Variants in ICAM3 observed in about 807,000 individuals in gnomAD.
ICAM3 encodes ICAM-3.
Under a neutral mutation model 43.6 loss-of-function variants are expected in ICAM3, and 54 were observed. The ratio of observed to expected loss-of-function variants is 1.24; its 90% CI spans 0.99 to 1.55. ICAM3 has a LOEUF of 1.55. ICAM3 is among the 40% of genes most tolerant of loss of function. The pLI is 0.00. For synonymous variants in ICAM3, 306 were observed against 312.6 expected, an observed-to-expected ratio of 0.98 and a Z score of 0.22; for missense variants, 715 against 717.9, an observed-to-expected ratio of 1.00 and a Z score of 0.05.
chr19:10,337,142 C>T (rs1156935598), intron 2 of ICAM3, among the ~76,000 whole-genome samples: 1 of 151,636 alleles, frequency 6.6e-6, no homozygotes, highest in African/African-American at 2.4e-5. Flanking sequence ...GTAGGCCAGG[C>T]ATGGTGGCTC....
Position 10,334,814 on chromosome 19 carries a change from G to A in ICAM3, c.938-32C>T. 1.3e-6 allele frequency: 2 copies of A among 1,545,946 alleles called. No individual in the cohort carries two copies. The highest frequency in any genetic ancestry group is 2.5e-5 in the South Asian group (2 of 81,088). On this transcript the variant is annotated intron_variant, in intron 4 of 6. Coordinates refer to ENST00000160262, the MANE Select transcript of ICAM3 (RefSeq NM_002162.5). This position sits in a 1 kb window ranked among gnomAD's most constrained non-coding sequence, Gnocchi z 5.5. ...GCGGGGCATTGCCCAGGAGCTTAATGAACAGGACCTTCCTGTGGGTCAAGC... is the reference window on the plus strand; with the variant it reads ...GCGGGGCATTGCCCAGGAGCTTAATAAACAGGACCTTCCTGTGGGTCAAGC...
Position 10,338,792 on chromosome 19 carries a change from A to G in ICAM3, c.233T>C (p.Met78Thr), listed in dbSNP as rs762381855. ...GCTGAGATTGAAGGCTGCCCAGCCC[A>G]TGCCACTGGCCACCAGCTCCTTTGA... ...SLSKELVASG[M>T]GWAAFNLSNV... is the part of the protein sequence containing the mutation. Residue 78 changes from methionine to threonine, a missense_variant, in exon 2 of 7, where the codon ATG becomes ACG. Coordinates refer to ENST00000160262, the MANE Select transcript of ICAM3 (RefSeq NM_002162.5). 7 of 1,614,186 alleles carry G rather than the reference A, an allele frequency of 4.3e-6. No individual in the cohort carries two copies. The highest frequency in any genetic ancestry group is 5.1e-6 in the Non-Finnish European group (6 of 1,180,024).
At chr19:10,339,267 G>A (rs1036054345) in intron 1 of ICAM3, 10 of 578,084 alleles carry the variant, frequency 1.7e-5, no homozygotes, top group South Asian at 6.4e-5. Flanking sequence ...AAGCACATAC[G>A]CAAAGGGCAA....
rs2040585748 is a variant in ICAM3 at position 10,335,421 on chromosome 19, CCA to C, written c.650-70_650-69del. On this transcript the variant is annotated intron_variant, in intron 3 of 6. Transcript: ENST00000160262. The stretch of plus-strand genomic sequence containing the variant: ...CTTCCCCAGGACACCCTCATCCCCC[CCA>C]GTCAGGATATCTTGCTGACTGGGTC... The C allele has an allele frequency of 2.1e-5, 30 of 1,407,394 alleles. No individual in the cohort carries two copies. The East Asian group carries it at 7.5e-4, about 35-fold the overall frequency. The allele number at this position is 1,407,394 out of a possible 1,614,324, so 87.2% of individuals were successfully genotyped here.
At chr19:10,339,350 C>G (rs1321975208) in intron 1 of ICAM3, 189 bp downstream of exon 1, 5 of 598,408 alleles carry the variant, frequency 8.4e-6, no homozygotes, top group South Asian at 2.0e-5. Context: ...GGATGGCGTA[C>G]AAGCCTATGC....
rs907063340 is a variant in ICAM3 at position 10,335,885 on chromosome 19, C to T, written c.435G>A (p.Ser145=). 2.2e-5 allele frequency: 35 copies of T among 1,604,536 alleles called. No individual in the cohort carries two copies. The highest frequency in any genetic ancestry group is 3.0e-5 in the Non-Finnish European group (35 of 1,178,178). ...GCACCACCGTGAGGCTGGTCCGGGG[C>T]GACCCATCCTCCACTTGGCAGCGCA... The part of the protein sequence containing the change: ...FTLRCQVEDG[S]PRTSLTVVLL... The change falls in exon 3 of 7, where the codon TCG becomes TCA. Residue 145 remains serine (S), a synonymous_variant. Coordinates refer to ENST00000160262, the MANE Select transcript of ICAM3 (RefSeq NM_002162.5).
chr19:10,338,295 C>T (rs546230462), intron 2 of ICAM3, among the ~76,000 whole-genome samples: 2 of 149,986 alleles, frequency 1.3e-5, no homozygotes, highest in African/African-American at 4.9e-5. Context: ...CTCAGCCACT[C>T]GGGAGGCTGA....
rs1224454220 is a variant in ICAM3 at position 10,338,920 on chromosome 19, C to G, written c.105G>C (p.Arg35=). Residue 35 remains arginine, a synonymous_variant, in exon 2 of 7, where the codon CGG becomes CGC. Coordinates refer to ENST00000160262, the MANE Select transcript of ICAM3 (RefSeq NM_002162.5). The part of the protein sequence containing the change: ...PGVQGQEFLL[R]VEPQNPVLSA... ...AGAGCACAGGGTTCTGGGGCTCCAC[C>G]CGCAAAAGGAACTCCTGCCCCTGGA... is the stretch of plus-strand genomic sequence containing the variant. 6.2e-7 allele frequency: 1 copy of G among 1,613,908 alleles called. No homozygotes were observed. Among genetic ancestry groups the G allele is most frequent in the Non-Finnish European group, 8.5e-7 (1 of 1,180,014 alleles).
rs2040566617 is a variant in ICAM3 at position 10,334,698 on chromosome 19, C to T, written c.1022G>A (p.Arg341Gln). The change falls in exon 5 of 7, where the codon CGA becomes CAA. Residue 341 changes from arginine to glutamine, a missense_variant. Arg to Gln is a conservative substitution (Grantham distance 43). Coordinates refer to ENST00000160262, the MANE Select transcript of ICAM3 (RefSeq NM_002162.5). The surrounding 1 kb of genome is among the most constrained non-coding windows in gnomAD (Gnocchi z 5.5). ...TVTVSCMAGA[R>Q]VQVTLDGVPA... ...AACTCCGTCCAGCGTGACCTGGACT[C>T]GAGCCCCAGCCATGCAACTCACGGT... The T allele has an allele frequency of 6.2e-7, 1 of 1,613,166 alleles. No homozygotes were observed. The highest frequency in any genetic ancestry group is 2.2e-5 in the East Asian group (1 of 44,878).
Position 10,334,087 on chromosome 19 carries a change from T to A in ICAM3, c.1442-28A>T. 6.2e-7 allele frequency: 1 copy of A among 1,612,068 alleles called. No individual in the cohort carries two copies. The highest frequency in any genetic ancestry group is 2.2e-5 in the East Asian group (1 of 44,818). On this transcript the variant is annotated intron_variant, in intron 6 of 6. Transcript: ENST00000160262. This position sits in a 1 kb window ranked among gnomAD's most constrained non-coding sequence, Gnocchi z 5.5. Reference sequence around the variant, plus strand: ...GTGCAGAGAAAGCGCTAAGTCAATATGCGTCCCTTCTGTCTCCAACCCCCC... The same window carrying A: ...GTGCAGAGAAAGCGCTAAGTCAATAAGCGTCCCTTCTGTCTCCAACCCCCC...
At chr19:10,339,104 G>C in intron 1 of ICAM3, 156 bp from the exon 2 acceptor site, 1 of 766,682 alleles carries the variant, frequency 1.3e-6, no homozygotes, top group East Asian at 2.7e-5. Context: ...CAGAGACCGG[G>C]GAGAACTCAG....
chr19:10,335,319 G>C lies in ICAM3; in HGVS notation c.684C>G (p.Pro228=), dbSNP rs776445575. ...LPVTPPRLVA[P]RFLEVETSWP... The stretch of plus-strand genomic sequence containing the variant: ...ACGACGTTTCCACCTCCAAGAACCG[G>C]GGGGCCACGAGGCGCGGGGGGGTCA... Residue 228 remains proline (P), a synonymous_variant, in exon 4 of 7, where the codon CCC becomes CCG. Transcript: ENST00000160262. 6 of 1,611,682 alleles carry C rather than the reference G, an allele frequency of 3.7e-6. No individual in the cohort carries two copies. Among genetic ancestry groups the C allele is most frequent in the Non-Finnish European group, 5.1e-6 (6 of 1,179,784 alleles).
rs751524541 is a variant in ICAM3 at position 10,334,099 on chromosome 19, G to C, written c.1442-40C>G. ...CGCTAAGTCAATATGCGTCCCTTCT[G>C]TCTCCAACCCCCCCGCCCCCCGGCT... On this transcript the variant is annotated intron_variant, in intron 6 of 6. Transcript: ENST00000160262. The surrounding 1 kb of genome is among the most constrained non-coding windows in gnomAD (Gnocchi z 5.5). 1.9e-6 allele frequency: 3 copies of C among 1,610,254 alleles called. No homozygotes were observed. The highest frequency in any genetic ancestry group is 2.5e-6 in the Non-Finnish European group (3 of 1,176,948).
chr19:10,334,802 C>A lies in ICAM3; in HGVS notation c.938-20G>T. ...GGAAGCCTAAAGGCGGGGCATTGCC[C>A]AGGAGCTTAATGAACAGGACCTTCC... On this transcript the variant is annotated intron_variant, in intron 4 of 6. Coordinates refer to ENST00000160262, the MANE Select transcript of ICAM3 (RefSeq NM_002162.5). This position sits in a 1 kb window ranked among gnomAD's most constrained non-coding sequence, Gnocchi z 5.5. 6.4e-7 allele frequency: 1 copy of A among 1,559,994 alleles called. No homozygotes were observed. The highest frequency in any genetic ancestry group is 8.7e-7 in the Non-Finnish European group (1 of 1,150,986).
At chr19:10,335,592 A>T in intron 3 of ICAM3, 79 bp downstream of exon 3, 1 of 1,391,048 alleles carries the variant, frequency 7.2e-7, no homozygotes. Context: ...GGGGTACCCC[A>T]CTCTCAGGAA....
At chr19:10,335,581 C>T in intron 3 of ICAM3, 90 bp downstream of exon 3, 2 of 1,335,646 alleles carry the variant, frequency 1.5e-6, no homozygotes, top group Non-Finnish European at 2.1e-6. Context: ...CTGTGAGGTC[C>T]GGGGTACCCC....
Position 10,334,822 on chromosome 19 carries a change from C to T in ICAM3, c.938-40G>A. The T allele has an allele frequency of 6.5e-7, 1 of 1,536,592 alleles. No homozygotes were observed. The highest frequency in any genetic ancestry group is 8.8e-7 in the Non-Finnish European group (1 of 1,141,304). On this transcript the variant is annotated intron_variant, in intron 4 of 6. Transcript: ENST00000160262. The surrounding 1 kb of genome is among the most constrained non-coding windows in gnomAD (Gnocchi z 5.5). ...TTGCCCAGGAGCTTAATGAACAGGA[C>T]CTTCCTGTGGGTCAAGCCGCTCCCT...
At chr19:10,335,374 A>C (rs768313128) in intron 3 of ICAM3, 21 bp from the exon 4 acceptor site, 1 of 1,570,896 alleles carries the variant, frequency 6.4e-7, no homozygotes, top group East Asian at 2.3e-5. Flanking sequence ...AGGTGGGCAT[A>C]GTACAACCCC....
Position 10,334,119 on chromosome 19 carries a change from C to T in ICAM3, c.1441+41G>A, listed in dbSNP as rs769994849. 5.0e-6 allele frequency: 8 copies of T among 1,607,990 alleles called. No individual in the cohort carries two copies. The highest frequency in any genetic ancestry group is 4.5e-5 in the East Asian group (2 of 44,760). ...CTTCTGTCTCCAACCCCCCCGCCCCCCGGCTTACCGGTCCAGACCCGCAGC... is the reference window on the plus strand; with the variant it reads ...CTTCTGTCTCCAACCCCCCCGCCCCTCGGCTTACCGGTCCAGACCCGCAGC... On this transcript the variant is annotated intron_variant, in intron 6 of 6. Transcript: ENST00000160262. The surrounding 1 kb of genome is among the most constrained non-coding windows in gnomAD (Gnocchi z 5.5).
Sources: gnomAD v4.1 joint callset for allele counts (sites outside exome capture counted in the v4.1 genomes callset) on GRCh38, gnomAD v4.1.1 for gene constraint, Gnocchi (gnomAD v3.1) non-coding constraint, MANE v1.5 for transcripts, NCBI Gene and HGNC (gene_info 2026-07-23, HGNC 2026-07-21) for gene names.